PPP2R2B: variants seen among roughly 807,000 people sequenced by gnomAD.
PPP2R2B encodes protein phosphatase 2 regulatory subunit Bbeta, also known as serine/threonine-protein phosphatase 2A 55 kDa regulatory subunit B beta isoform.
In PPP2R2B, 5 loss-of-function variants were observed where a neutral mutation model predicts 46.0. That is an observed-to-expected ratio of 0.11 (90% confidence interval 0.06 to 0.23). The LOEUF is 0.23. Among genes scored for constraint, PPP2R2B ranks in the 10% least tolerant of loss-of-function variants. PPP2R2B has a pLI of 1.00. For synonymous variants in PPP2R2B, 215 were observed against 206.7 expected, an observed-to-expected ratio of 1.04 and a Z score of -0.34; for missense variants, 367 against 575.0, an observed-to-expected ratio of 0.64 and a Z score of 3.70.
intron 1 of PPP2R2B, among the ~76,000 whole-genome samples, chr5:146,933,490 A>G (rs1189269729): frequency 5.3e-5 from 8 of 152,054 alleles, no homozygotes; most frequent in Admixed American, 2.0e-4. Flanking sequence ...GATTCTTGAG[A>G]AAAAAACAAG....
intron 5 of PPP2R2B, among the ~76,000 whole-genome samples, chr5:146,658,548 T>C (rs1359463742): frequency 3.3e-5 from 5 of 152,190 alleles, no homozygotes; most frequent in Non-Finnish European, 7.3e-5. Flanking sequence ...ACCATTCCCC[T>C]AGGAACAGCA....
At chr5:146,687,158 G>T (rs533283290) in intron 5 of PPP2R2B, among the ~76,000 whole-genome samples, 35 of 152,056 alleles carry the variant, frequency 2.3e-4, no homozygotes, top group African/African-American at 8.0e-4. Flanking sequence ...GAATAATAAT[G>T]GCACTAATTA....
At chr5:146,745,208 A>AGAGAGAGAGAGAGAGAGAGAGAG (rs1463606713) in intron 2 of PPP2R2B, among the ~76,000 whole-genome samples, 1 of 26,832 alleles carries the variant, frequency 3.7e-5, no homozygotes, top group African/African-American at 8.9e-5. Context: ...GAGAGAGAGA[A>AGAGAGAGAGAGAGAGAGAGAGAG]AGAGACTATA....
At chr5:146,698,430 A>G (rs1291939145) in intron 3 of PPP2R2B, among the ~76,000 whole-genome samples, 1 of 149,966 alleles carries the variant, frequency 6.7e-6, no homozygotes, top group Non-Finnish European at 1.5e-5. Flanking sequence ...ATATTAAAAT[A>G]GAACAAAATT....
chr5:147,010,248 C>T (rs1039370370), intron 1 of PPP2R2B, among the ~76,000 whole-genome samples: 2 of 152,132 alleles, frequency 1.3e-5, no homozygotes, highest in Non-Finnish European at 2.9e-5. Flanking sequence ...TGATCCCCAA[C>T]GTTTTTGGCA....
intron 2 of PPP2R2B, among the ~76,000 whole-genome samples, chr5:146,709,092 A>G (rs1780070153): frequency 6.6e-6 from 1 of 152,208 alleles, no homozygotes; most frequent in African/African-American, 2.4e-5. Flanking sequence ...TCATCCAATC[A>G]GTGTCTAGTA....
At chr5:146,974,691 A>T (rs961108115) in intron 1 of PPP2R2B, among the ~76,000 whole-genome samples, 15 of 142,418 alleles carry the variant, frequency 1.1e-4, no homozygotes, top group Admixed American at 7.1e-4. Context: ...AATAAAAGGA[A>T]TTTTTTTTTT....
chr5:146,949,826 C>A (rs968669853), intron 1 of PPP2R2B, among the ~76,000 whole-genome samples: 5 of 151,854 alleles, frequency 3.3e-5, no homozygotes, highest in Admixed American at 1.3e-4. Flanking sequence ...TACTATTCAG[C>A]CATAAAAAAG....
At chr5:146,779,194 G>A (rs1755361122) in intron 2 of PPP2R2B, among the ~76,000 whole-genome samples, 1 of 152,234 alleles carries the variant, frequency 6.6e-6, no homozygotes, top group Non-Finnish European at 1.5e-5. Context: ...TCTAGATGGT[G>A]TAAATACAGT....
At chr5:147,037,636 C>T (rs950856801) in intron 1 of PPP2R2B, among the ~76,000 whole-genome samples, 2 of 151,996 alleles carry the variant, frequency 1.3e-5, no homozygotes, top group African/African-American at 4.8e-5. Context: ...TATGTATCTA[C>T]GCCATCTGTA....
intron 2 of PPP2R2B, chr5:146,856,555 A>T (rs1293743857): frequency 3.1e-6 from 5 of 1,612,812 alleles, no homozygotes; most frequent in African/African-American, 1.3e-5. Context: ...TTGGGCCACT[A>T]TTCTCTGTCT....
intron 9 of PPP2R2B, among the ~76,000 whole-genome samples, chr5:146,591,837 T>G (rs1179630602): frequency 6.6e-6 from 1 of 152,180 alleles, no homozygotes; most frequent in Non-Finnish European, 1.5e-5. Context: ...TACTTTATCT[T>G]GCTAAGCCTC....
rs184231211 is a variant in PPP2R2B at position 146,668,740 on chromosome 5, G to A, written c.448-18016C>T. Among the ~76,000 whole-genome samples, 364 of 152,210 alleles carry A rather than the reference G, an allele frequency of 2.4e-3. 3 individuals are homozygous for A. The highest frequency in any genetic ancestry group is 2.2e-3 in the Non-Finnish European group (148 of 68,008). On this transcript the variant is annotated intron_variant, in intron 5 of 9. Coordinates refer to ENST00000394411, the MANE Select transcript of PPP2R2B (RefSeq NM_181675.4). ...CCCACATGTCCCAGCACTATGCTCT[G>A]TCCTTTTAGAACTCTGAATCCTATC...
At chr5:146,993,126 A>C (rs2151863192) in intron 1 of PPP2R2B, among the ~76,000 whole-genome samples, 1 of 152,140 alleles carries the variant, frequency 6.6e-6, no homozygotes, top group African/African-American at 2.4e-5. Context: ...CATTTTTAGT[A>C]GAGACAGGGT....
At chr5:147,058,611 A>G (rs1036518421), upstream of PPP2R2B, among the ~76,000 whole-genome samples, 1 of 152,196 alleles carries the variant, frequency 6.6e-6, no homozygotes, top group Non-Finnish European at 1.5e-5. Context: ...TCAATTGAAA[A>G]TATGTTTTCA....
intron 1 of PPP2R2B, among the ~76,000 whole-genome samples, chr5:147,007,862 A>T (rs906657409): frequency 1.2e-4 from 19 of 152,116 alleles, no homozygotes; most frequent in African/African-American, 3.9e-4. Context: ...CTCTGGACAC[A>T]CCATCTTTAA....
At chr5:146,613,626 TA>T (rs1561770408) in intron 7 of PPP2R2B, among the ~76,000 whole-genome samples, 1 of 119,312 alleles carries the variant, frequency 8.4e-6, no homozygotes, top group Non-Finnish European at 1.6e-5. Context: ...AAAATCTCCT[TA>T]AGCTGATAAG....
At chr5:147,071,121 A>G (rs1265017641) in intron 2 of PPP2R2B, among the ~76,000 whole-genome samples, 1 of 151,992 alleles carries the variant, frequency 6.6e-6, no homozygotes, top group Non-Finnish European at 1.5e-5. Flanking sequence ...CTTTCGCTTG[A>G]CATTGTTGGT....
chr5:146,590,909 A>G (rs1039127910), intron 9 of PPP2R2B, among the ~76,000 whole-genome samples: 3 of 151,564 alleles, frequency 2.0e-5, no homozygotes, highest in African/African-American at 7.3e-5. Context: ...AAAAGATTTT[A>G]TATGGTTTTT....
Sources: gnomAD v4.1 joint callset for allele counts (sites outside exome capture counted in the v4.1 genomes callset) on GRCh38, gnomAD v4.1.1 for gene constraint, MANE v1.5 for transcripts, NCBI Gene and HGNC (gene_info 2026-07-23, HGNC 2026-07-21) for gene names.